Variants in TMEM132D observed in about 807,000 individuals in gnomAD.
TMEM132D encodes the protein transmembrane protein 132D.
In TMEM132D, 21 loss-of-function variants were observed where a neutral mutation model predicts 62.3. The ratio of observed to expected loss-of-function variants is 0.34; its 90% CI spans 0.24 to 0.49. The LOEUF (loss-of-function observed/expected upper bound fraction) is 0.49. TMEM132D is among the 20% of genes least tolerant of loss of function. The pLI is 0.99. For synonymous variants in TMEM132D, 621 were observed against 575.6 expected (o/e 1.08, Z -1.13); for missense variants, 1,346 against 1,402.8 (o/e 0.96, Z 0.65).
At chr12:129,869,058 C>T (rs1460402440) in intron 1 of TMEM132D, among the ~76,000 whole-genome samples, 1 of 85,630 alleles carries the variant, frequency 1.2e-5, no homozygotes, top group Non-Finnish European at 2.5e-5. Flanking sequence ...TTTTATTTTG[C>T]TTTGTGTTTT....
At chr12:129,323,565 C>G (rs1165884773) in intron 4 of TMEM132D, among the ~76,000 whole-genome samples, 2 of 152,026 alleles carry the variant, frequency 1.3e-5, no homozygotes, top group Non-Finnish European at 2.9e-5. Context: ...TTAAGATTGT[C>G]AAAAAACACT....
intron 4 of TMEM132D, among the ~76,000 whole-genome samples, chr12:129,263,369 C>T (rs1372914248): frequency 6.6e-6 from 1 of 152,158 alleles, no homozygotes; most frequent in Admixed American, 6.5e-5. Context: ...AAGTGCCTAG[C>T]TTACTTCACC....
At chr12:129,695,919 T>A (rs1028906333) in intron 2 of TMEM132D, among the ~76,000 whole-genome samples, 6 of 152,190 alleles carry the variant, frequency 3.9e-5, no homozygotes, top group Non-Finnish European at 8.8e-5. Flanking sequence ...CCCTTTTATT[T>A]ATTATTTTTT....
chr12:129,535,976 T>C (rs1876376223), intron 2 of TMEM132D, among the ~76,000 whole-genome samples: 1 of 152,292 alleles, frequency 6.6e-6, no homozygotes, highest in Non-Finnish European at 1.5e-5. Context: ...GAAACTATTA[T>C]TGGCTAATCA....
chr12:129,885,253 G>A (rs932898297), intron 1 of TMEM132D, among the ~76,000 whole-genome samples: 2 of 152,114 alleles, frequency 1.3e-5, no homozygotes, highest in African/African-American at 4.8e-5. Context: ...ATAGTAGAGG[G>A]AATTTTACTC....
chr12:129,644,984 T>TAAAAAAA (rs749612311), intron 2 of TMEM132D, among the ~76,000 whole-genome samples: 38 of 63,412 alleles, frequency 6.0e-4, no homozygotes, highest in African/African-American at 2.2e-3. Context: ...ATAGTCCATC[T>TAAAAAAA]AAAAAAAAAA....
At chr12:129,570,174 G>A (rs1317929841) in intron 2 of TMEM132D, among the ~76,000 whole-genome samples, 4 of 152,180 alleles carry the variant, frequency 2.6e-5, no homozygotes, top group South Asian at 2.1e-4. Context: ...AACAGAAGAC[G>A]ATCTAGAAGT....
chr12:129,615,666 G>A (rs1878894327), intron 2 of TMEM132D, among the ~76,000 whole-genome samples: 2 of 151,372 alleles, frequency 1.3e-5, no homozygotes, highest in African/African-American at 4.9e-5. Context: ...CAGCTACTTG[G>A]GAGGCCAGGG....
intron 1 of TMEM132D, among the ~76,000 whole-genome samples, chr12:129,773,966 G>A (rs1363675803): frequency 6.6e-5 from 10 of 152,266 alleles, no homozygotes; most frequent in Non-Finnish European, 1.2e-4. Flanking sequence ...ATATAAACCT[G>A]GTCCTTGGTA....
chr12:129,884,836 A>G (rs183204473), intron 1 of TMEM132D, among the ~76,000 whole-genome samples: 1 of 152,242 alleles, frequency 6.6e-6, no homozygotes, highest in Non-Finnish European at 1.5e-5. Context: ...AAATGCTTAT[A>G]GTGGTTTCAT....
chr12:129,472,137 C>T (rs1874109286), intron 3 of TMEM132D, among the ~76,000 whole-genome samples: 1 of 152,136 alleles, frequency 6.6e-6, no homozygotes, highest in Non-Finnish European at 1.5e-5. Context: ...AGGAAACTGC[C>T]TTCTGTTGGA....
At chr12:129,776,481 A>G (rs1019297862) in intron 1 of TMEM132D, among the ~76,000 whole-genome samples, 4 of 151,786 alleles carry the variant, frequency 2.6e-5, no homozygotes, top group African/African-American at 9.7e-5. Context: ...TCCCAAGGCA[A>G]CTCTTTTCTG....
At chr12:129,372,621 T>C (rs1441764394) in intron 3 of TMEM132D, among the ~76,000 whole-genome samples, 1 of 152,104 alleles carries the variant, frequency 6.6e-6, no homozygotes, top group African/African-American at 2.4e-5. Context: ...CAAACCCTGT[T>C]GTTTGCACTA....
chr12:129,254,369 A>C (rs1880348411), intron 4 of TMEM132D, among the ~76,000 whole-genome samples: 1 of 152,178 alleles, frequency 6.6e-6, no homozygotes, highest in Non-Finnish European at 1.5e-5. Flanking sequence ...ATTAAAAAGG[A>C]TTTATAAAAC....
At chr12:129,729,730 A>G (rs547846208) in intron 1 of TMEM132D, among the ~76,000 whole-genome samples, 6 of 152,292 alleles carry the variant, frequency 3.9e-5, no homozygotes. Flanking sequence ...ACAGTTTACA[A>G]GGAAGTTGGT....
chr12:129,476,674 C>T (rs961789111), intron 3 of TMEM132D, among the ~76,000 whole-genome samples: 2 of 152,156 alleles, frequency 1.3e-5, no homozygotes, highest in Non-Finnish European at 2.9e-5. Context: ...CTTTCTCCAC[C>T]TCGACATTCT....
intron 1 of TMEM132D, among the ~76,000 whole-genome samples, chr12:129,730,401 G>T (rs1469868247): frequency 6.6e-6 from 1 of 152,042 alleles, no homozygotes; most frequent in Non-Finnish European, 1.5e-5. Context: ...GCTCCCTGAG[G>T]GTGGATGCTG....
At chr12:129,439,037 T>C (rs921486637) in intron 3 of TMEM132D, among the ~76,000 whole-genome samples, 7 of 152,178 alleles carry the variant, frequency 4.6e-5, no homozygotes, top group Non-Finnish European at 8.8e-5. Flanking sequence ...ATGCCCAGCA[T>C]AGGATTAAAA....
chr12:129,411,321 A>T (rs1245509240), intron 3 of TMEM132D, among the ~76,000 whole-genome samples: 5 of 152,124 alleles, frequency 3.3e-5, no homozygotes, highest in Non-Finnish European at 7.4e-5. Context: ...GACTTTAGTA[A>T]ACTACTCTGC....
Sources: gnomAD v4.1 joint callset for allele counts (sites outside exome capture counted in the v4.1 genomes callset) on GRCh38, gnomAD v4.1.1 for gene constraint, MANE v1.5 for transcripts, NCBI Gene and HGNC (gene_info 2026-07-23, HGNC 2026-07-21) for gene names.